Variants in MEIKIN observed in about 807,000 individuals in gnomAD.
MEIKIN encodes the protein meiosis-specific kinetochore protein.
chr5:131,819,467 GGA>G (rs1749440910), intron 11 of MEIKIN, among the ~76,000 whole-genome samples: 1 of 117,320 alleles, frequency 8.5e-6, no homozygotes, highest in African/African-American at 3.2e-5. Flanking sequence ...GGAGGGAGGG[GGA>G]GGGGGGAAAG....
intron 11 of MEIKIN, among the ~76,000 whole-genome samples, chr5:131,848,509 T>G (rs1750056404): frequency 6.6e-6 from 1 of 152,092 alleles, no homozygotes; most frequent in Non-Finnish European, 1.5e-5. Flanking sequence ...CCTACAGAAC[T>G]AGTAGGGAGA....
At chr5:131,944,526 T>C in intron 3 of MEIKIN, 139 bp downstream of exon 3, 1 of 394,022 alleles carries the variant, frequency 2.5e-6, no homozygotes, top group Non-Finnish European at 4.5e-6. Flanking sequence ...TAAAGACACG[T>C]AAGTGTTTAT....
chr5:131,818,443 C>T (rs1306669869), intron 12 of MEIKIN, among the ~76,000 whole-genome samples: 2 of 152,084 alleles, frequency 1.3e-5, no homozygotes, highest in Admixed American at 6.5e-5. Flanking sequence ...AATGAAGAGA[C>T]AGGGTCTCTC....
At chr5:131,833,681 C>T (rs1008214163) in intron 11 of MEIKIN, among the ~76,000 whole-genome samples, 2 of 152,200 alleles carry the variant, frequency 1.3e-5, no homozygotes, top group African/African-American at 4.8e-5. Flanking sequence ...GGCTTATTCA[C>T]TATCACGAGT....
At chr5:131,873,438 A>G (rs1198834047) in intron 9 of MEIKIN, among the ~76,000 whole-genome samples, 1 of 152,258 alleles carries the variant, frequency 6.6e-6, no homozygotes, top group Admixed American at 6.5e-5. Context: ...CAATTCAACA[A>G]GAAGAACTAA....
intron 11 of MEIKIN, among the ~76,000 whole-genome samples, chr5:131,825,986 A>C (rs1235365507): frequency 1.3e-5 from 2 of 152,208 alleles, no homozygotes; most frequent in Non-Finnish European, 2.9e-5. Context: ...ATCTTTCAAG[A>C]ATAAAGGCAA....
intron 6 of MEIKIN, among the ~76,000 whole-genome samples, chr5:131,919,742 A>G (rs1420901200): frequency 6.6e-6 from 1 of 152,212 alleles, no homozygotes; most frequent in Non-Finnish European, 1.5e-5. Context: ...TAAGCCAAAA[A>G]CTAAAAAGAC....
Position 131,879,735 on chromosome 5 carries a change from T to C in MEIKIN, c.704-687A>G, listed in dbSNP as rs139622763. Reference sequence around the variant, plus strand: ...ATATCAGCAGAAACCTTTCCTGTCCTACCTCACTGGACCTTACTACAACAG... The same window carrying C: ...ATATCAGCAGAAACCTTTCCTGTCCCACCTCACTGGACCTTACTACAACAG... On this transcript the variant is annotated intron_variant, in intron 8 of 12. Transcript: ENST00000442687. Among the ~76,000 whole-genome samples the C allele has an allele frequency of 4.7e-3, 717 of 152,318 alleles. 8 individuals are homozygous for C. Among genetic ancestry groups the C allele is most frequent in the African/African-American group, 0.016 (681 of 41,570 alleles).
chr5:131,885,736 C>T (rs1222211444), intron 8 of MEIKIN, among the ~76,000 whole-genome samples: 1 of 152,078 alleles, frequency 6.6e-6, no homozygotes, highest in Non-Finnish European at 1.5e-5. Context: ...CATCTACAAG[C>T]ATCAGTACTA....
intron 11 of MEIKIN, among the ~76,000 whole-genome samples, chr5:131,834,509 G>A (rs1749769153): frequency 6.6e-6 from 1 of 151,604 alleles, no homozygotes; most frequent in African/African-American, 2.4e-5. Flanking sequence ...CCCAGCCCCT[G>A]TCAACCACCA....
chr5:131,816,393 A>G (rs147409171), intron 12 of MEIKIN, among the ~76,000 whole-genome samples: 1 of 152,340 alleles, frequency 6.6e-6, no homozygotes, highest in Non-Finnish European at 1.5e-5. Flanking sequence ...ATCCCTGATA[A>G]TATAGGTAGG....
chr5:131,889,481 T>C (rs1750867490), intron 8 of MEIKIN, among the ~76,000 whole-genome samples: 1 of 152,208 alleles, frequency 6.6e-6, no homozygotes, highest in African/African-American at 2.4e-5. Context: ...CCATTGTGAA[T>C]GGGAGTTCAC....
intron 9 of MEIKIN, among the ~76,000 whole-genome samples, chr5:131,860,753 G>GC (rs1750270996): frequency 1.1e-5 from 1 of 89,410 alleles, no homozygotes; most frequent in Non-Finnish European, 2.3e-5. Context: ...AGCCTGTTTG[G>GC]CTTTTTTTTT....
In MEIKIN at chr5:131,807,042, TA is replaced by T; in HGVS notation, c.*193del. The T allele has an allele frequency of 2.6e-6, 1 of 379,806 alleles. No homozygotes were observed. The allele number at this position is 379,806 out of a possible 1,614,324, so 23.5% of individuals were successfully genotyped here. On this transcript the variant is annotated 3_prime_UTR_variant, in exon 13 of 13. Coordinates refer to ENST00000442687, the MANE Select transcript of MEIKIN (RefSeq NM_001303622.2). ...ACATATATTTAAGAAGCATATGGAA[TA>T]ATTTTTTTTCTTAACTGATTAAAAG...
chr5:131,810,574 A>T (rs1250234766), intron 12 of MEIKIN, among the ~76,000 whole-genome samples: 1 of 152,198 alleles, frequency 6.6e-6, no homozygotes, highest in Non-Finnish European at 1.5e-5. Flanking sequence ...ATGGTTCTCA[A>T]ATGTTTGTGC....
intron 12 of MEIKIN, among the ~76,000 whole-genome samples, chr5:131,817,802 T>C (rs1482352140): frequency 1.3e-5 from 2 of 152,130 alleles, no homozygotes; most frequent in African/African-American, 2.4e-5. Flanking sequence ...AGGAAATAAG[T>C]ACAAGAATTA....
intron 9 of MEIKIN, among the ~76,000 whole-genome samples, chr5:131,857,490 C>A (rs1191728422): frequency 6.6e-6 from 1 of 152,154 alleles, no homozygotes; most frequent in Non-Finnish European, 1.5e-5. Context: ...TATGTCCAGT[C>A]CGATCTGAGT....
intron 7 of MEIKIN, among the ~76,000 whole-genome samples, chr5:131,916,284 C>T (rs1246260752): frequency 6.6e-6 from 1 of 152,148 alleles, no homozygotes; most frequent in Non-Finnish European, 1.5e-5. Flanking sequence ...CCCAAAAAAA[C>T]AGCTAACAGA....
At chr5:131,929,935 A>G (rs1416113454) in intron 5 of MEIKIN, among the ~76,000 whole-genome samples, 2 of 152,172 alleles carry the variant, frequency 1.3e-5, no homozygotes, top group East Asian at 1.9e-4. Flanking sequence ...TCTACCACTG[A>G]TGGGCATTTA....
Sources: allele counts gnomAD v4.1 joint callset (sites outside exome capture counted in the v4.1 genomes callset), GRCh38; gene constraint gnomAD v4.1.1; transcripts MANE v1.5; gene names NCBI Gene and HGNC (gene_info 2026-07-23, HGNC 2026-07-21).